The following TOP2B variants were observed in gnomAD, a reference collection of about 807,000 sequenced individuals.
The protein encoded by TOP2B is DNA topoisomerase II beta.
Under a neutral mutation model 193.5 loss-of-function variants are expected in TOP2B, and 51 were observed. The ratio of observed to expected loss-of-function variants is 0.26; its 90% CI spans 0.21 to 0.33. TOP2B has a LOEUF of 0.33. TOP2B is among the 10% of genes least tolerant of loss of function. TOP2B has a pLI of 1.00. For missense variants in TOP2B, 1,378 were observed against 1,909.3 expected (o/e 0.72, Z 5.19); for synonymous variants, 634 against 635.7 (o/e 1.00, Z 0.04).
intron 29 of TOP2B, 29 bp from the exon 30 acceptor site, chr3:25,609,373 G>T (rs776559127): frequency 1.3e-6 from 2 of 1,539,272 alleles, no homozygotes; most frequent in Non-Finnish European, 8.8e-7. Flanking sequence ...AATAAGGTAT[G>T]TATCCATATT....
chr3:25,659,269 T>C (rs986976550), intron 1 of TOP2B, among the ~76,000 whole-genome samples: 18 of 151,646 alleles, frequency 1.2e-4, no homozygotes, highest in African/African-American at 4.2e-4. Flanking sequence ...AGCAACAAAC[T>C]GTCCCCTGTC....
chr3:25,618,330 A>G, intron 25 of TOP2B, 88 bp downstream of exon 25: 1 of 912,204 alleles, frequency 1.1e-6, no homozygotes, highest in Non-Finnish European at 1.7e-6. Context: ...TAGTAGTACT[A>G]AATTTAAAAT....
At chr3:25,618,886 T>C (rs1412796188) in intron 23 of TOP2B, 37 bp from the exon 24 acceptor site, 2 of 1,455,868 alleles carry the variant, frequency 1.4e-6, no homozygotes, top group Non-Finnish European at 1.9e-6. Flanking sequence ...ATCATATAGA[T>C]CTGTACTGGT....
chr3:25,632,131 A>G (rs1011629160), intron 10 of TOP2B, among the ~76,000 whole-genome samples: 1 of 152,100 alleles, frequency 6.6e-6, no homozygotes, highest in African/African-American at 2.4e-5. Context: ...AAATGAGAGT[A>G]GAAAAGATGA....
chr3:25,603,474 C>T (rs538918123), intron 33 of TOP2B, among the ~76,000 whole-genome samples: 1 of 152,208 alleles, frequency 6.6e-6, no homozygotes, highest in East Asian at 1.9e-4. Flanking sequence ...AACTCTTGAC[C>T]TCAAGCAATC....
chr3:25,637,139 T>C lies in TOP2B; in HGVS notation c.639+76A>G, dbSNP rs566642508. ...AAGTTATACAGGCATCACTGCAATT[T>C]ACCCAAGGTTCTACTATCTCGGCAA... is the stretch of plus-strand genomic sequence containing the variant. On this transcript the variant is annotated intron_variant, in intron 6 of 35. Transcript: ENST00000264331. 3.5e-6 allele frequency: 4 copies of C among 1,155,516 alleles called. No individual in the cohort carries two copies. The South Asian group carries it at 4.2e-5, about 12-fold the overall frequency. 71.6% of individuals were successfully genotyped at this position (1,155,516 alleles called of 1,614,324 possible). A position where few individuals can be genotyped will look rare whatever the true frequency, so the allele number is the denominator to read the frequency against.
At chr3:25,602,280 G>A (rs752256762) in intron 33 of TOP2B, among the ~76,000 whole-genome samples, 2 of 151,166 alleles carry the variant, frequency 1.3e-5, no homozygotes, top group Non-Finnish European at 3.0e-5. Flanking sequence ...GCCTGTAGTC[G>A]CAGCTACTTG....
intron 1 of TOP2B, among the ~76,000 whole-genome samples, chr3:25,653,941 TAGAA>T (rs1396499983): frequency 1.3e-5 from 2 of 151,770 alleles, no homozygotes; most frequent in African/African-American, 2.4e-5. Context: ...AAACTAGAAA[TAGAA>T]AGAAAACACC....
At chr3:25,598,748 A>G (rs139742950) in intron 35 of TOP2B, among the ~76,000 whole-genome samples, 643 of 152,362 alleles carry the variant, frequency 4.2e-3, no homozygotes, top group Admixed American at 7.8e-3. Context: ...GAAATTATAT[A>G]TTACCCAAAA....
chr3:25,660,454 A>G (rs1471509785), intron 1 of TOP2B, among the ~76,000 whole-genome samples: 1 of 152,240 alleles, frequency 6.6e-6, no homozygotes, highest in Admixed American at 6.5e-5. Context: ...AAAGAAAAAG[A>G]TGAGTATCAA....
intron 5 of TOP2B, among the ~76,000 whole-genome samples, chr3:25,637,909 A>G (rs190514918): frequency 6.6e-6 from 1 of 152,128 alleles, no homozygotes; most frequent in East Asian, 1.9e-4. Context: ...TACCAGTCCT[A>G]TCTAAATCAA....
At chr3:25,634,743 T>C (rs1703052980) in intron 7 of TOP2B, among the ~76,000 whole-genome samples, 1 of 125,560 alleles carries the variant, frequency 8.0e-6, no homozygotes, top group African/African-American at 3.1e-5. Context: ...GAAACAGTAG[T>C]CACTGGGAAA....
chr3:25,607,635 A>G (rs1272449465), intron 30 of TOP2B, among the ~76,000 whole-genome samples: 1 of 152,212 alleles, frequency 6.6e-6, no homozygotes, highest in Non-Finnish European at 1.5e-5. Flanking sequence ...GTACTTATTG[A>G]TATACTTAAT....
intron 33 of TOP2B, 107 bp downstream of exon 33, chr3:25,604,653 A>T: frequency 1.1e-6 from 1 of 917,356 alleles, no homozygotes; most frequent in Non-Finnish European, 1.7e-6. Context: ...TATACTTCTT[A>T]ATTGTTTTAT....
intron 23 of TOP2B, 47 bp downstream of exon 23, chr3:25,619,815 T>G: frequency 7.2e-7 from 1 of 1,397,906 alleles, no homozygotes; most frequent in Non-Finnish European, 1.0e-6. Context: ...TAATCCGACT[T>G]ATACCATGCA....
At position 25,606,053 on chromosome 3, in the gene TOP2B, C is replaced by T; in HGVS notation, c.4368G>A (p.Lys1456=). 3 of 1,492,648 alleles carry T rather than the reference C, an allele frequency of 2.0e-6. No individual in the cohort carries two copies. In the South Asian group the frequency reaches 4.0e-5, roughly 20 times the overall value. The allele number at this position is 1,492,648 out of a possible 1,614,324, so 92.5% of individuals were successfully genotyped here. A position where few individuals can be genotyped will look rare whatever the true frequency, so the allele number is the denominator to read the frequency against. ...ACTAAATGAACATACCATCTTCTGA[C>T]TTCTGAGAATATGAAGGAAATGAGA... is the stretch of plus-strand genomic sequence containing the variant. ...NLFSFPSYSQ[K]SEDDSAKFDS... The change falls in exon 32 of 36, where the codon AAG becomes AAA. Residue 1456 remains lysine, a synonymous_variant. Transcript: ENST00000264331.
chr3:25,608,416 A>G (rs1702288468), intron 30 of TOP2B, among the ~76,000 whole-genome samples: 2 of 152,200 alleles, frequency 1.3e-5, no homozygotes, highest in South Asian at 2.1e-4. Context: ...AACCATTTTC[A>G]TATAACTTAC....
intron 27 of TOP2B, among the ~76,000 whole-genome samples, chr3:25,614,311 T>G (rs1702451865): frequency 6.6e-6 from 1 of 151,726 alleles, no homozygotes; most frequent in Non-Finnish European, 1.5e-5. Context: ...TCAATAATAT[T>G]AGGAATAATT....
chr3:25,664,596 C>T lies in TOP2B; in HGVS notation c.-299G>A. On this transcript the variant is annotated 5_prime_UTR_variant, in exon 1 of 36. Coordinates refer to ENST00000264331, the MANE Select transcript of TOP2B (RefSeq NM_001330700.2). ...CGGCCGAGCGGCGGCGTTGCCTTCT[C>T]GCCCGCCCGCGGGCGCCGCTGCAGG... is the stretch of plus-strand genomic sequence containing the variant. 2.0e-6 allele frequency: 2 copies of T among 1,008,022 alleles called. No homozygotes were observed. The highest frequency in any genetic ancestry group is 4.6e-5 in the South Asian group (1 of 21,554). The allele number at this position is 1,008,022 out of a possible 1,614,324, so 62.4% of individuals were successfully genotyped here. A position where few individuals can be genotyped will look rare whatever the true frequency, so the allele number is the denominator to read the frequency against.
Sources: gnomAD v4.1 joint callset for allele counts (sites outside exome capture counted in the v4.1 genomes callset) on GRCh38, gnomAD v4.1.1 for gene constraint, MANE v1.5 for transcripts, NCBI Gene and HGNC (gene_info 2026-07-23, HGNC 2026-07-21) for gene names.